The following RASGRF1 variants were observed in gnomAD, a reference collection of about 807,000 sequenced individuals.
RASGRF1 encodes the protein Ras protein specific guanine nucleotide releasing factor 1, also known as ras-specific guanine nucleotide-releasing factor 1.
RASGRF1 carries 40 observed loss-of-function variants against 138.7 expected under a neutral mutation model. The observed-to-expected ratio is 0.29, with a 90% confidence interval of 0.22 to 0.38. The LOEUF (loss-of-function observed/expected upper bound fraction) is 0.38. RASGRF1 is among the 10% of genes least tolerant of loss of function. The pLI, the probability that RASGRF1 is intolerant of heterozygous loss-of-function variation, is 1.00. For synonymous variants in RASGRF1, 614 were observed against 663.2 expected (o/e 0.93, Z 1.14); for missense variants, 1,108 against 1,650.4 (o/e 0.67, Z 5.69).
At chr15:79,021,297 T>C (rs2056957615) in intron 10 of RASGRF1, among the ~76,000 whole-genome samples, 1 of 152,238 alleles carries the variant, frequency 6.6e-6, no homozygotes, top group African/African-American at 2.4e-5. Flanking sequence ...AATGGAGACC[T>C]GGCCATGTGA....
chr15:79,018,144 G>A (rs1458522082), intron 11 of RASGRF1, among the ~76,000 whole-genome samples: 1 of 152,246 alleles, frequency 6.6e-6, no homozygotes, highest in African/African-American at 2.4e-5. Flanking sequence ...CAGAGCAGGA[G>A]AGCCTTTAGG....
chr15:79,040,983 C>T (rs1439155344), intron 5 of RASGRF1, among the ~76,000 whole-genome samples: 2 of 152,172 alleles, frequency 1.3e-5, no homozygotes, highest in Non-Finnish European at 2.9e-5. Flanking sequence ...TGTCTAACTC[C>T]AGCAATGATA....
intron 6 of RASGRF1, 22 bp downstream of exon 6, chr15:79,035,109 G>A (rs748725602): frequency 2.5e-5 from 40 of 1,595,090 alleles, no homozygotes; most frequent in South Asian, 7.8e-5. Context: ...TCTGGGGGCC[G>A]CAGTGAGGGC....
In RASGRF1 at chr15:78,991,794, C is replaced by A; in HGVS notation, c.3028G>T (p.Ala1010Ser). The change falls in exon 21 of 27, where the codon GCT becomes TCT. Residue 1010 changes from alanine to serine, a missense_variant and splice_region_variant. Ala to Ser is a moderately conservative substitution (Grantham distance 99, BLOSUM62 1). Coordinates refer to ENST00000558480, the MANE Select transcript of RASGRF1 (RefSeq NM_001145648.3). Reference protein sequence around the residue: ...QITLEEITQMAEGVKAEPFEN... With the variant: ...QITLEEITQMSEGVKAEPFEN... ...AAGGGCTCAGCCTTCACGCCTTCAG[C>A]CTGGTTTTGAGTTGGGGGAGCAACA... 6 of 1,611,196 alleles carry A rather than the reference C, an allele frequency of 3.7e-6. No individual in the cohort carries two copies. Among genetic ancestry groups the A allele is most frequent in the Non-Finnish European group, 5.1e-6 (6 of 1,177,662 alleles).
chr15:78,980,610 A>T lies in RASGRF1; in HGVS notation c.3494+10T>A, dbSNP rs113347686. 1 of 1,586,712 alleles carries T rather than the reference A, an allele frequency of 6.3e-7. No homozygotes were observed. The highest frequency in any genetic ancestry group is 1.7e-5 in the Admixed American group (1 of 59,748). On this transcript the variant is annotated intron_variant, in intron 24 of 26. Coordinates refer to ENST00000558480, the MANE Select transcript of RASGRF1 (RefSeq NM_001145648.3). The stretch of plus-strand genomic sequence containing the variant: ...TTAAAAATAACAGCGACAAAACGAC[A>T]CACACTTACTTTTTCAGAGCTTCTC...
chr15:78,990,128 C>A, intron 22 of RASGRF1, 61 bp downstream of exon 22: 1 of 1,322,744 alleles, frequency 7.6e-7, no homozygotes, highest in Non-Finnish European at 1.1e-6. Context: ...CTCTACCCAG[C>A]CTCTTGAGCG....
At chr15:79,037,928 G>A (rs1297127393) in intron 5 of RASGRF1, among the ~76,000 whole-genome samples, 5 of 151,908 alleles carry the variant, frequency 3.3e-5, no homozygotes, top group Non-Finnish European at 7.4e-5. Flanking sequence ...TAAGGAGCAC[G>A]CAACTTAGAT....
chr15:79,004,502 C>G (rs2056628422), intron 14 of RASGRF1, among the ~76,000 whole-genome samples: 1 of 152,158 alleles, frequency 6.6e-6, no homozygotes, highest in Non-Finnish European at 1.5e-5. Flanking sequence ...CCCCCTCCAT[C>G]CCACACAGGG....
intron 1 of RASGRF1, among the ~76,000 whole-genome samples, chr15:79,066,870 G>A (rs1178625080): frequency 6.6e-6 from 1 of 152,116 alleles, no homozygotes; most frequent in Non-Finnish European, 1.5e-5. Flanking sequence ...GAGGCTTCAG[G>A]AAGCCGGCCG....
intron 1 of RASGRF1, among the ~76,000 whole-genome samples, chr15:79,075,074 C>T (rs546060885): frequency 6.6e-6 from 1 of 152,192 alleles, no homozygotes; most frequent in South Asian, 2.1e-4. Flanking sequence ...TATCCCTAGA[C>T]CTGCGAGTCT....
intron 26 of RASGRF1, among the ~76,000 whole-genome samples, chr15:78,969,251 G>C (rs1274546801): frequency 6.6e-6 from 1 of 152,174 alleles, no homozygotes; most frequent in African/African-American, 2.4e-5. Flanking sequence ...ACACCACTGA[G>C]TTACAGAGCA....
intron 2 of RASGRF1, among the ~76,000 whole-genome samples, chr15:79,061,934 C>T (rs1366707251): frequency 6.6e-6 from 1 of 152,192 alleles, no homozygotes; most frequent in African/African-American, 2.4e-5. Flanking sequence ...AGTGGAACTG[C>T]TGGGTCACAG....
At chr15:79,079,057 G>A (rs1393734966) in intron 1 of RASGRF1, among the ~76,000 whole-genome samples, 3 of 152,242 alleles carry the variant, frequency 2.0e-5, no homozygotes, top group Non-Finnish European at 1.5e-5. Context: ...GAACGAGGCT[G>A]TGCTTGACCC....
intron 13 of RASGRF1, among the ~76,000 whole-genome samples, chr15:79,012,198 G>A (rs1232469764): frequency 1.3e-5 from 2 of 151,886 alleles, no homozygotes; most frequent in Admixed American, 1.3e-4. Flanking sequence ...CCCAAACACC[G>A]TGCACTTTTT....
chr15:78,993,106 G>T (rs534497066), intron 20 of RASGRF1, among the ~76,000 whole-genome samples: 14 of 147,350 alleles, frequency 9.5e-5, no homozygotes, highest in African/African-American at 3.3e-4. Context: ...GGGTGTTTGT[G>T]GTGTGGGGTG....
chr15:79,090,622 TC>T lies in RASGRF1; in HGVS notation c.-125del. Reference sequence around the variant, plus strand: ...TCGCTCGCTCCCTCTAGCTCTCCCCTCCCCCCAAATATCTACACTCCAGGAT... The same window carrying T: ...TCGCTCGCTCCCTCTAGCTCTCCCCTCCCCCAAATATCTACACTCCAGGAT... On this transcript the variant is annotated 5_prime_UTR_variant, in exon 1 of 27. Coordinates refer to ENST00000558480, the MANE Select transcript of RASGRF1 (RefSeq NM_001145648.3). 1.6e-6 allele frequency: 2 copies of T among 1,268,292 alleles called. No homozygotes were observed. The highest frequency in any genetic ancestry group is 2.1e-6 in the Non-Finnish European group (2 of 936,368). The allele number at this position is 1,268,292 out of a possible 1,614,324, so 78.6% of individuals were successfully genotyped here.
At chr15:79,068,610 A>G (rs562685132) in intron 1 of RASGRF1, among the ~76,000 whole-genome samples, 238 of 146,192 alleles carry the variant, frequency 1.6e-3, no homozygotes, top group African/African-American at 5.7e-3. Flanking sequence ...ATATATGTGT[A>G]TATATACACA....
intron 12 of RASGRF1, among the ~76,000 whole-genome samples, chr15:79,017,493 G>A (rs535378552): frequency 6.6e-6 from 1 of 152,286 alleles, no homozygotes; most frequent in East Asian, 1.9e-4. Context: ...GAAGGGTCCA[G>A]GAAACTGAAG....
chr15:79,048,610 T>A (rs1260119558), intron 4 of RASGRF1, among the ~76,000 whole-genome samples: 1 of 152,230 alleles, frequency 6.6e-6, no homozygotes, highest in Non-Finnish European at 1.5e-5. Context: ...TTTCTATTCT[T>A]GAGAAACCAG....
Sources: allele counts gnomAD v4.1 joint callset (sites outside exome capture counted in the v4.1 genomes callset), GRCh38; gene constraint gnomAD v4.1.1; transcripts MANE v1.5; gene names NCBI Gene and HGNC (gene_info 2026-07-23, HGNC 2026-07-21).